The following ERC2 variants were observed in gnomAD, a reference collection of about 807,000 sequenced individuals.
ERC2 encodes the protein ELKS/RAB6-interacting/CAST family member 2, also known as ERC protein 2.
A neutral mutation model predicts 114.8 loss-of-function variants in ERC2; 42 were observed. The observed-to-expected ratio is 0.37, with a 90% CI of 0.29 to 0.47. The LOEUF is 0.47. Among genes scored for constraint, ERC2 ranks in the 20% least tolerant of loss-of-function variants. The pLI is 0.99. For synonymous variants in ERC2, 454 were observed against 425.5 expected, an observed-to-expected ratio of 1.07 and a Z score of -0.82; for missense variants, 939 against 1,150.7, an observed-to-expected ratio of 0.82 and a Z score of 2.66.
At chr3:55,948,103 A>G (rs2067250740) in intron 13 of ERC2, among the ~76,000 whole-genome samples, 1 of 152,194 alleles carries the variant, frequency 6.6e-6, no homozygotes, top group Admixed American at 6.5e-5. Flanking sequence ...TAGTCACTCT[A>G]TCTTCATTCA....
chr3:55,521,373 G>T (rs563776727), intron 17 of ERC2, among the ~76,000 whole-genome samples: 2 of 152,352 alleles, frequency 1.3e-5, no homozygotes, highest in Admixed American at 1.3e-4. Flanking sequence ...GCTTGATTCA[G>T]CTGTGCAAAA....
intron 17 of ERC2, among the ~76,000 whole-genome samples, chr3:55,591,593 G>T (rs2057889896): frequency 6.6e-6 from 1 of 151,780 alleles, no homozygotes; most frequent in Non-Finnish European, 1.5e-5. Context: ...GTGTGTGTGT[G>T]TGTGTGTGCG....
rs4955865 is a variant in ERC2, at chr3:55,699,362, C to T, written c.2847+16G>A. 0.36 allele frequency: 579,921 copies of T among 1,612,548 alleles called. 105,981 individuals are homozygous for T. Among genetic ancestry groups the T allele is most frequent in the Admixed American group, 0.5 (29,724 of 59,974 alleles). ...GGGTAAAAGGGGTCTTGGAGGTAAG[C>T]AGCGATGAAACTGACCTGGTCCGGA... is the stretch of plus-strand genomic sequence containing the variant. On this transcript the variant is annotated intron_variant, in intron 16 of 17. Coordinates refer to ENST00000288221, the MANE Select transcript of ERC2 (RefSeq NM_015576.3).
intron 3 of ERC2, among the ~76,000 whole-genome samples, chr3:56,199,777 G>A (rs2048307418): frequency 6.6e-6 from 1 of 152,066 alleles, no homozygotes; most frequent in Admixed American, 6.6e-5. Context: ...CCAAAGCACT[G>A]GGATTGCAGA....
intron 2 of ERC2, among the ~76,000 whole-genome samples, chr3:56,396,075 G>A (rs552282756): frequency 1.1e-3 from 169 of 152,322 alleles, no homozygotes; most frequent in Non-Finnish European, 2.0e-3. Context: ...TGTGGTTAAT[G>A]AGGGAATTCA....
intron 17 of ERC2, among the ~76,000 whole-genome samples, chr3:55,519,630 C>G (rs1431053954): frequency 1.3e-5 from 2 of 152,150 alleles, no homozygotes; most frequent in East Asian, 3.9e-4. Flanking sequence ...CCCAAACTTC[C>G]TTATATTGAT....
At chr3:56,368,661 G>T (rs767762530) in intron 2 of ERC2, among the ~76,000 whole-genome samples, 2 of 152,064 alleles carry the variant, frequency 1.3e-5, no homozygotes, top group Non-Finnish European at 2.9e-5. Context: ...ATTTCATCTC[G>T]AATTCTAGTA....
rs146667632 is a variant in ERC2, at chr3:56,122,957, C to T, written c.1473+16552G>A. 8.5e-5 allele frequency among the ~76,000 whole-genome samples: 13 copies of T among 152,266 alleles called. No individual in the cohort carries two copies. The East Asian group carries it at 2.5e-3, about 29-fold the overall frequency. On this transcript the variant is annotated intron_variant, in intron 6 of 17. Transcript: ENST00000288221. ...TTATGGGCTTTAAGTCTTCATACCG[C>T]AAGTTCAACCACCCCAAGAAAACAC...
At chr3:55,804,197 T>A (rs985811553) in intron 14 of ERC2, among the ~76,000 whole-genome samples, 1 of 152,142 alleles carries the variant, frequency 6.6e-6, no homozygotes, top group Non-Finnish European at 1.5e-5. Flanking sequence ...CCCTCTCACA[T>A]CCTCTTGGTC....
chr3:55,790,066 A>G (rs1435531676), intron 14 of ERC2, among the ~76,000 whole-genome samples: 2 of 152,070 alleles, frequency 1.3e-5, no homozygotes, highest in Admixed American at 6.6e-5. Flanking sequence ...TCCCCCAAAC[A>G]TGAACCTGAT....
At chr3:55,539,411 CTTTCT>C (rs2054225230) in intron 17 of ERC2, among the ~76,000 whole-genome samples, 1 of 49,070 alleles carries the variant, frequency 2.0e-5, no homozygotes, top group African/African-American at 5.9e-5. Context: ...CTCTTTTTTT[CTTTCT>C]TTTTTTTTTT....
intron 3 of ERC2, among the ~76,000 whole-genome samples, chr3:56,201,397 C>A (rs2048398316): frequency 6.6e-6 from 1 of 152,240 alleles, no homozygotes; most frequent in Non-Finnish European, 1.5e-5. Context: ...GTTCACTCTT[C>A]TCAGAAGAAC....
chr3:55,799,658 C>T (rs577133948), intron 14 of ERC2, among the ~76,000 whole-genome samples: 20 of 151,844 alleles, frequency 1.3e-4, no homozygotes, highest in East Asian at 1.2e-3. Flanking sequence ...AAATCAGAGG[C>T]CACTGTATGG....
At chr3:55,923,282 TAAAAAG>T in intron 13 of ERC2, among the ~76,000 whole-genome samples, 1 of 152,018 alleles carries the variant, frequency 6.6e-6, no homozygotes, top group Non-Finnish European at 1.5e-5. Flanking sequence ...AAACCAGACA[TAAAAAG>T]AAAAATATTG....
rs1576034739 is a variant in ERC2 at position 55,888,645 on chromosome 3, T to A, written c.2404-96A>T. ...TGTTCCAACAACAAACACAAAGGAA[T>A]CACAGGGATCCTTGAACTGGGCCGC... On this transcript the variant is annotated intron_variant, in intron 13 of 17. Transcript: ENST00000288221. The A allele has an allele frequency of 6.2e-6, 9 of 1,451,104 alleles. No individual in the cohort carries two copies. In the East Asian group the frequency reaches 1.8e-4, roughly 29 times the overall value. 89.9% of individuals were successfully genotyped at this position (1,451,104 alleles called of 1,614,324 possible).
At chr3:55,666,721 C>A (rs1310226446) in intron 17 of ERC2, among the ~76,000 whole-genome samples, 1 of 151,996 alleles carries the variant, frequency 6.6e-6, no homozygotes, top group Non-Finnish European at 1.5e-5. Context: ...AGACAGGATG[C>A]AAGACAAAGA....
intron 7 of ERC2, among the ~76,000 whole-genome samples, chr3:56,048,417 T>G (rs943085990): frequency 1.3e-5 from 2 of 152,200 alleles, no homozygotes; most frequent in East Asian, 3.9e-4. Context: ...GCTTGCTTTG[T>G]TAAAAACCAT....
chr3:55,511,433 A>G (rs1310547136), intron 17 of ERC2, among the ~76,000 whole-genome samples, 157 bp from the exon 18 acceptor site: 1 of 152,192 alleles, frequency 6.6e-6, no homozygotes, highest in Non-Finnish European at 1.5e-5. Context: ...GGTAAGGGGA[A>G]GAAACACAGA....
chr3:56,451,542 A>C (rs2107520037), intron 1 of ERC2, among the ~76,000 whole-genome samples: 1 of 152,308 alleles, frequency 6.6e-6, no homozygotes, highest in South Asian at 2.1e-4. Context: ...GTCACATTGG[A>C]GGCTTTAACA....
Sources: gnomAD v4.1 joint callset for allele counts (sites outside exome capture counted in the v4.1 genomes callset) on GRCh38, gnomAD v4.1.1 for gene constraint, MANE v1.5 for transcripts, NCBI Gene and HGNC (gene_info 2026-07-23, HGNC 2026-07-21) for gene names.